The following DSCAM variants were observed in gnomAD, a reference collection of about 807,000 sequenced individuals.
DSCAM encodes cell adhesion molecule DSCAM.
In DSCAM, 47 loss-of-function variants were observed where a neutral mutation model predicts 217.7. The observed-to-expected ratio is 0.22, with a 90% CI of 0.17 to 0.28. The LOEUF (loss-of-function observed/expected upper bound fraction) is 0.28. Ranked by LOEUF, DSCAM falls within the 10% of genes least tolerant of loss-of-function variation. The pLI is 1.00. For missense variants in DSCAM, 2,080 were observed against 2,618.3 expected, an observed-to-expected ratio of 0.79 and a Z score of 4.49; for synonymous variants, 1,056 against 1,015.3, an observed-to-expected ratio of 1.04 and a Z score of -0.76.
At position 40,152,004 on chromosome 21, in the gene DSCAM, C is replaced by T. The variant is rs574283714; in HGVS notation, c.3019-7273G>A. ...GAATTTGCTCACTTACTCAGCCAGC[C>T]GGTGGGTTACATGTTTTTATGATGA... On this transcript the variant is annotated intron_variant, in intron 16 of 32. Coordinates refer to ENST00000400454, the MANE Select transcript of DSCAM (RefSeq NM_001389.5). Among the ~76,000 whole-genome samples, 56 of 152,114 alleles carry T rather than the reference C, an allele frequency of 3.7e-4. 2 individuals are homozygous for T. The South Asian group carries it at 0.01, about 28-fold the overall frequency.
chr21:40,075,007 G>C lies in DSCAM; in HGVS notation c.4888+30C>G, dbSNP rs768804179. On this transcript the variant is annotated intron_variant, in intron 27 of 32. Transcript: ENST00000400454. ...TTGGCTGCAGAGCAGCAGGGGACAC[G>C]CGTAGGTGGACAGCTGGGCCTGGAC... is the stretch of plus-strand genomic sequence containing the variant. 2.5e-6 allele frequency: 4 copies of C among 1,611,444 alleles called. No homozygotes were observed. In the East Asian group the frequency reaches 8.9e-5, roughly 36 times the overall value.
rs540469765 is a variant in DSCAM at position 40,771,929 on chromosome 21, T to C, written c.44-63158A>G. 3.3e-5 allele frequency among the ~76,000 whole-genome samples: 5 copies of C among 152,328 alleles called. No individual in the cohort carries two copies. The South Asian group carries it at 1.0e-3, about 32-fold the overall frequency. ...AGAGGGGAAAATGGAGACTGGAGTT[T>C]ATGATGTAATCTTTATGCGAATTTT... On this transcript the variant is annotated intron_variant, in intron 1 of 32. Transcript: ENST00000400454.
At chr21:40,280,077 A>G (rs1263051013) in intron 10 of DSCAM, among the ~76,000 whole-genome samples, 1 of 151,800 alleles carries the variant, frequency 6.6e-6, no homozygotes, top group Non-Finnish European at 1.5e-5. Flanking sequence ...ATTTATACCT[A>G]TGTAACAAAC....
chr21:40,243,841 C>T (rs1048177707), intron 11 of DSCAM, among the ~76,000 whole-genome samples: 1 of 152,144 alleles, frequency 6.6e-6, no homozygotes, highest in Non-Finnish European at 1.5e-5. Context: ...TTAATTTCCC[C>T]CAGTGTCATG....
chr21:40,094,142 G>A (rs545199123), intron 20 of DSCAM, among the ~76,000 whole-genome samples: 2 of 152,200 alleles, frequency 1.3e-5, no homozygotes, highest in Admixed American at 1.3e-4. Flanking sequence ...ATTTGGCTGA[G>A]ATGGAGTAAC....
rs1375730182 is a variant in DSCAM, at chr21:40,416,342, G to A, written c.509-47097C>T. ...ACAGATTATGTCTTCATCTGTCTGC[G>A]TGTTTTATCAATAAAGGAAGGAAAA... On this transcript the variant is annotated intron_variant, in intron 3 of 32. Coordinates refer to ENST00000400454, the MANE Select transcript of DSCAM (RefSeq NM_001389.5). Among the ~76,000 whole-genome samples the A allele has an allele frequency of 5.9e-5, 9 of 152,134 alleles. No individual in the cohort carries two copies. The East Asian group carries it at 1.3e-3, about 23-fold the overall frequency.
intron 10 of DSCAM, among the ~76,000 whole-genome samples, chr21:40,292,314 G>A (rs2073903126): frequency 6.6e-6 from 1 of 151,012 alleles, no homozygotes; most frequent in African/African-American, 2.4e-5. Flanking sequence ...AAGGAAACAA[G>A]CTGAATCTGT....
At chr21:40,021,486 T>G (rs1043234710) in intron 32 of DSCAM, among the ~76,000 whole-genome samples, 3 of 152,174 alleles carry the variant, frequency 2.0e-5, no homozygotes, top group African/African-American at 7.2e-5. Flanking sequence ...TTTCTCATTC[T>G]TTTCTCATCA....
rs1048847759 is a variant in DSCAM at position 40,712,392 on chromosome 21, A to G, written c.44-3621T>C. 2.1e-3 allele frequency among the ~76,000 whole-genome samples: 312 copies of G among 146,008 alleles called. 1 individual carries two copies. The highest frequency in any genetic ancestry group is 7.5e-3 in the African/African-American group (297 of 39,462). ...GCAGGAGAATGGCGTGAACCCGGGAAGCGGAGCTTGCAGTGAGCCGAGATT... is the reference window on the plus strand; with the variant it reads ...GCAGGAGAATGGCGTGAACCCGGGAGGCGGAGCTTGCAGTGAGCCGAGATT... On this transcript the variant is annotated intron_variant, in intron 1 of 32. Coordinates refer to ENST00000400454, the MANE Select transcript of DSCAM (RefSeq NM_001389.5).
At chr21:40,487,304 CGTGTGTGTGTGT>C (rs57837494) in intron 3 of DSCAM, among the ~76,000 whole-genome samples, 1 of 141,772 alleles carries the variant, frequency 7.1e-6, no homozygotes, top group African/African-American at 2.7e-5. Context: ...TGTGTGCGTG[CGTGTGTGTGTGT>C]GTGTGTGTGT....
At chr21:40,400,400 T>C (rs754251718) in intron 3 of DSCAM, among the ~76,000 whole-genome samples, 1 of 152,252 alleles carries the variant, frequency 6.6e-6, no homozygotes, top group Non-Finnish European at 1.5e-5. Context: ...TCAATTCTCA[T>C]ATCTGCATCT....
chr21:40,399,798 C>G (rs528350688), intron 3 of DSCAM, among the ~76,000 whole-genome samples: 7 of 152,302 alleles, frequency 4.6e-5, no homozygotes, highest in African/African-American at 1.7e-4. Flanking sequence ...TAAACGTTGA[C>G]TCACATAAAC....
intron 3 of DSCAM, among the ~76,000 whole-genome samples, chr21:40,563,628 T>C (rs1372652939): frequency 6.8e-6 from 1 of 146,678 alleles, no homozygotes; most frequent in Non-Finnish European, 1.5e-5. Context: ...TTATATATAG[T>C]TATATGTGTA....
intron 14 of DSCAM, among the ~76,000 whole-genome samples, chr21:40,181,519 G>C (rs2090801189): frequency 6.6e-6 from 1 of 152,138 alleles, no homozygotes; most frequent in Non-Finnish European, 1.5e-5. Flanking sequence ...CTTAGTGAAA[G>C]TCAAGAAACT....
At chr21:40,054,733 A>C (rs964611862) in intron 29 of DSCAM, among the ~76,000 whole-genome samples, 3 of 152,156 alleles carry the variant, frequency 2.0e-5, no homozygotes, top group Non-Finnish European at 2.9e-5. Flanking sequence ...GTTGGTGTGG[A>C]AGCAGGTGGC....
At chr21:40,316,154 A>G (rs570392178) in intron 8 of DSCAM, among the ~76,000 whole-genome samples, 1 of 152,360 alleles carries the variant, frequency 6.6e-6, no homozygotes, top group South Asian at 2.1e-4. Flanking sequence ...AATGGTTAAA[A>G]TAAATATTAA....
At chr21:40,485,378 G>A (rs935612103) in intron 3 of DSCAM, among the ~76,000 whole-genome samples, 5 of 151,876 alleles carry the variant, frequency 3.3e-5, no homozygotes, top group Non-Finnish European at 7.4e-5. Flanking sequence ...GAGTAGCTGG[G>A]ACTACAGGCG....
intron 1 of DSCAM, among the ~76,000 whole-genome samples, chr21:40,752,601 C>T (rs2091239821): frequency 6.6e-6 from 1 of 152,172 alleles, no homozygotes; most frequent in Non-Finnish European, 1.5e-5. Flanking sequence ...GCGAGAGGAG[C>T]ACCTGAGCCC....
chr21:40,765,100 A>G (rs74277731), intron 1 of DSCAM, among the ~76,000 whole-genome samples: 542 of 41,856 alleles, frequency 0.013, 14 homozygotes, highest in Admixed American at 0.11. Flanking sequence ...TGTATCACAG[A>G]AAAAAAAAAA....
Sources: allele counts gnomAD v4.1 joint callset (sites outside exome capture counted in the v4.1 genomes callset), GRCh38; gene constraint gnomAD v4.1.1; transcripts MANE v1.5; gene names NCBI Gene and HGNC (gene_info 2026-07-23, HGNC 2026-07-21).